Variants in TNPO1 observed in about 807,000 individuals in gnomAD.
TNPO1 encodes transportin 1, also known as transportin-1.
TNPO1 carries 8 observed loss-of-function variants against 119.5 expected under a neutral mutation model. That is an observed-to-expected ratio of 0.07 (90% CI 0.04 to 0.12). The LOEUF (loss-of-function observed/expected upper bound fraction) is 0.12. Among genes scored for constraint, TNPO1 ranks in the 10% least tolerant of loss-of-function variants. The pLI, the probability that TNPO1 is intolerant of heterozygous loss-of-function variation, is 1.00. For synonymous variants in TNPO1, 362 were observed against 363.0 expected (o/e 1.00, Z 0.03); for missense variants, 576 against 1,089.8 (o/e 0.53, Z 6.64).
At chr5:72,897,523 A>G (rs1749519307) in intron 20 of TNPO1, among the ~76,000 whole-genome samples, 1 of 152,070 alleles carries the variant, frequency 6.6e-6, no homozygotes, top group Admixed American at 6.5e-5. Context: ...GTAGTCAAAA[A>G]GATTCAGTGG....
chr5:72,819,900 T>G (rs1033598474), intron 1 of TNPO1, among the ~76,000 whole-genome samples: 1 of 152,234 alleles, frequency 6.6e-6, no homozygotes, highest in Non-Finnish European at 1.5e-5. Flanking sequence ...TGACATGTAT[T>G]AACTTTTCTA....
intron 5 of TNPO1, 119 bp downstream of exon 5, chr5:72,862,033 A>G (rs1297363353): frequency 1.6e-6 from 1 of 623,340 alleles, no homozygotes; most frequent in East Asian, 2.9e-5. Flanking sequence ...AAACTTAGAA[A>G]CCTAAAGTTA....
rs1194711449 is a variant in TNPO1 at position 72,911,491 on chromosome 5, A to C, written c.*2818A>C. 6.6e-6 allele frequency: 1 copy of C among 152,532 alleles called. No homozygotes were observed. Among genetic ancestry groups the C allele is most frequent in the East Asian group, 1.9e-4 (1 of 5,202 alleles). 9.4% of individuals were successfully genotyped at this position (152,532 alleles called of 1,614,324 possible). A position where few individuals can be genotyped will look rare whatever the true frequency, so the allele number is the denominator to read the frequency against. ...CATAGTGTAGAACAGGAATTTGCAGAAGCCATTTAAGTTATCTTTTGAGGT... is the reference window on the plus strand; with the variant it reads ...CATAGTGTAGAACAGGAATTTGCAGCAGCCATTTAAGTTATCTTTTGAGGT... On this transcript the variant is annotated 3_prime_UTR_variant, in exon 25 of 25. Transcript: ENST00000337273.
At chr5:72,867,011 C>CA (rs901290211) in intron 6 of TNPO1, among the ~76,000 whole-genome samples, 8 of 151,810 alleles carry the variant, frequency 5.3e-5, no homozygotes, top group Non-Finnish European at 1.2e-4. Context: ...CCTTTCTCTA[C>CA]AAAAAATAAG....
chr5:72,851,617 T>C (rs1745571356), intron 3 of TNPO1, among the ~76,000 whole-genome samples: 1 of 152,172 alleles, frequency 6.6e-6, no homozygotes, highest in Non-Finnish European at 1.5e-5. Context: ...CAAACCTCCC[T>C]AGTAGCCGGG....
At chr5:72,875,008 C>G (rs917902858) in intron 7 of TNPO1, among the ~76,000 whole-genome samples, 13 of 152,124 alleles carry the variant, frequency 8.5e-5, no homozygotes, top group Admixed American at 4.6e-4. Context: ...TGCTGGTTAT[C>G]AAGTTACTTA....
At chr5:72,869,014 TAAA>T (rs1747168666) in intron 6 of TNPO1, among the ~76,000 whole-genome samples, 1 of 151,740 alleles carries the variant, frequency 6.6e-6, no homozygotes. Flanking sequence ...CATCTCAAAA[TAAA>T]AAAAGTTTAT....
intron 1 of TNPO1, among the ~76,000 whole-genome samples, chr5:72,827,630 A>C (rs1032064641): frequency 2.0e-5 from 3 of 152,186 alleles, no homozygotes; most frequent in Non-Finnish European, 4.4e-5. Flanking sequence ...TGAACAACTG[A>C]GTGAAAACTA....
chr5:72,863,276 C>T (rs997067383), intron 5 of TNPO1, among the ~76,000 whole-genome samples: 10 of 151,970 alleles, frequency 6.6e-5, no homozygotes, highest in Admixed American at 5.2e-4. Context: ...ACAGGAATAA[C>T]CTGTCAACAA....
At chr5:72,829,952 C>T (rs1009125541) in intron 1 of TNPO1, among the ~76,000 whole-genome samples, 1 of 152,126 alleles carries the variant, frequency 6.6e-6, no homozygotes, top group Non-Finnish European at 1.5e-5. Flanking sequence ...TGTCATCCTT[C>T]CCTTGGCCTG....
intron 2 of TNPO1, among the ~76,000 whole-genome samples, chr5:72,850,793 CTG>C (rs1561307623): frequency 6.6e-6 from 1 of 152,132 alleles, no homozygotes; most frequent in Non-Finnish European, 1.5e-5. Flanking sequence ...ACAAATGAGT[CTG>C]AGAAGTATCT....
At chr5:72,866,462 A>T (rs373105608) in intron 6 of TNPO1, among the ~76,000 whole-genome samples, 1 of 152,208 alleles carries the variant, frequency 6.6e-6, no homozygotes, top group East Asian at 1.9e-4. Flanking sequence ...ATTCTCAGTA[A>T]TAAAAAAACA....
At chr5:72,864,455 G>A (rs1455769880) in intron 5 of TNPO1, among the ~76,000 whole-genome samples, 1 of 152,120 alleles carries the variant, frequency 6.6e-6, no homozygotes, top group African/African-American at 2.4e-5. Context: ...TACATGTTAT[G>A]TACAAAGTCT....
chr5:72,858,863 T>C (rs1049700596), intron 4 of TNPO1, among the ~76,000 whole-genome samples: 2 of 151,936 alleles, frequency 1.3e-5, no homozygotes, highest in Non-Finnish European at 2.9e-5. Context: ...CTAAAGTATT[T>C]TATAGTTTTG....
chr5:72,884,270 G>A (rs569686113), intron 11 of TNPO1, among the ~76,000 whole-genome samples: 19 of 152,274 alleles, frequency 1.2e-4, no homozygotes, highest in African/African-American at 3.8e-4. Context: ...TGGACGTGAA[G>A]TGGTATTTTG....
chr5:72,838,409 T>TTAGGTATG (rs763874379), intron 1 of TNPO1, among the ~76,000 whole-genome samples: 4 of 152,234 alleles, frequency 2.6e-5, no homozygotes, highest in Non-Finnish European at 4.4e-5. Context: ...TATCAACTGT[T>TTAGGTATG]TAGGTATGTC....
At chr5:72,899,597 CTA>C (rs961314428) in intron 20 of TNPO1, among the ~76,000 whole-genome samples, 3 of 152,008 alleles carry the variant, frequency 2.0e-5, no homozygotes, top group African/African-American at 7.2e-5. Flanking sequence ...ATGAAAAAAA[CTA>C]TAGATTTTAT....
chr5:72,844,010 T>A (rs1003693809), intron 1 of TNPO1, among the ~76,000 whole-genome samples: 1 of 152,240 alleles, frequency 6.6e-6, no homozygotes, highest in Non-Finnish European at 1.5e-5. Context: ...ACATGGTAGT[T>A]CTACTTAATA....
At chr5:72,856,347 T>G (rs1367417962) in intron 4 of TNPO1, among the ~76,000 whole-genome samples, 1 of 152,138 alleles carries the variant, frequency 6.6e-6, no homozygotes, top group Non-Finnish European at 1.5e-5. Flanking sequence ...TTCTCCTGCC[T>G]CAGCCTCCCG....
Sources: allele counts gnomAD v4.1 joint callset (sites outside exome capture counted in the v4.1 genomes callset), GRCh38; gene constraint gnomAD v4.1.1; transcripts MANE v1.5; gene names NCBI Gene and HGNC (gene_info 2026-07-23, HGNC 2026-07-21).